Variants in GHR observed in about 807,000 individuals in gnomAD.
GHR encodes growth hormone receptor, also known as GH receptor.
In GHR, 35 loss-of-function variants were observed where a neutral mutation model predicts 67.1. The ratio of observed to expected loss-of-function variants is 0.52; its 90% CI spans 0.40 to 0.69. The LOEUF is 0.69. Ranked by LOEUF, GHR falls within the 30% of genes least tolerant of loss-of-function variation. The pLI, the probability that GHR is intolerant of heterozygous loss-of-function variation, is 0.00. For missense variants in GHR, 792 were observed against 764.6 expected, an observed-to-expected ratio of 1.04 and a Z score of -0.42; for synonymous variants, 272 against 269.1, an observed-to-expected ratio of 1.01 and a Z score of -0.10.
At chr5:42,615,464 C>T (rs1753095978) in intron 2 of GHR, among the ~76,000 whole-genome samples, 1 of 152,010 alleles carries the variant, frequency 6.6e-6, no homozygotes, top group Non-Finnish European at 1.5e-5. Flanking sequence ...TTTCTTTAGT[C>T]CTAACCTAAC....
intron 1 of GHR, among the ~76,000 whole-genome samples, chr5:42,536,777 G>C (rs1156612347): frequency 6.6e-6 from 1 of 152,126 alleles, no homozygotes; most frequent in East Asian, 1.9e-4. Flanking sequence ...AAATTCTGCT[G>C]TGAATCCATC....
At chr5:42,579,860 C>A (rs1561139915) in intron 2 of GHR, among the ~76,000 whole-genome samples, 1 of 151,900 alleles carries the variant, frequency 6.6e-6, no homozygotes, top group African/African-American at 2.4e-5. Flanking sequence ...GTGGAACATT[C>A]CACGTACTGA....
chr5:42,495,534 A>G (rs1440217125), intron 1 of GHR, among the ~76,000 whole-genome samples: 1 of 151,960 alleles, frequency 6.6e-6, no homozygotes, highest in Non-Finnish European at 1.5e-5. Context: ...CCCCACCCCT[A>G]GTCACCATTC....
At chr5:42,511,842 T>C in intron 1 of GHR, among the ~76,000 whole-genome samples, 1 of 152,138 alleles carries the variant, frequency 6.6e-6, no homozygotes, top group East Asian at 1.9e-4. Context: ...AGCAATAAAG[T>C]CTTAATATTT....
intron 2 of GHR, among the ~76,000 whole-genome samples, chr5:42,617,223 T>C (rs1580063410): frequency 6.6e-6 from 1 of 151,700 alleles, no homozygotes; most frequent in Non-Finnish European, 1.5e-5. Flanking sequence ...ATCCCCTTTT[T>C]GTACATGCTC....
Position 42,565,586 on chromosome 5 carries a change from G to A in GHR, c.-11-278G>A, listed in dbSNP as rs769555994. 324 of 985,230 alleles carry A rather than the reference G, an allele frequency of 3.3e-4. 2 individuals are homozygous for A. The highest frequency in any genetic ancestry group is 3.3e-4 in the Non-Finnish European group (274 of 829,908). 61.0% of individuals were successfully genotyped at this position (985,230 alleles called of 1,614,324 possible). A position where few individuals can be genotyped will look rare whatever the true frequency, so the allele number is the denominator to read the frequency against. On this transcript the variant is annotated intron_variant, in intron 1 of 9. Transcript: ENST00000230882. ...GTGCATGGGGGTCGTTTGCTGTGAG[G>A]TGTTTCTATGGCTTTGAGCCAGGGT...
At chr5:42,524,667 G>A (rs763211780) in intron 1 of GHR, among the ~76,000 whole-genome samples, 11 of 152,160 alleles carry the variant, frequency 7.2e-5, no homozygotes, top group Admixed American at 2.0e-4. Context: ...AGGCCATGTC[G>A]GAGACCTTCA....
intron 1 of GHR, among the ~76,000 whole-genome samples, chr5:42,453,817 A>T (rs1014179270): frequency 6.6e-5 from 10 of 151,850 alleles, no homozygotes; most frequent in African/African-American, 2.4e-4. Context: ...GGGAACAAGG[A>T]CTCCTTTTCC....
intron 1 of GHR, among the ~76,000 whole-genome samples, chr5:42,522,991 G>C (rs1747541996): frequency 6.6e-6 from 1 of 152,200 alleles, no homozygotes; most frequent in African/African-American, 2.4e-5. Context: ...TGAGGAATGA[G>C]AAAGAGATTT....
chr5:42,694,951 T>C lies in GHR; in HGVS notation c.301T>C (p.Cys101Arg). ...AGAATGGACTCAAGAATGGAAAGAATGCCCTGATTATGTTTCTGCTGGGGA... is the reference window on the plus strand; with the variant it reads ...AGAATGGACTCAAGAATGGAAAGAACGCCCTGATTATGTTTCTGCTGGGGA... ...TQEWTQEWKE[C>R]PDYVSAGENS... Residue 101 changes from cysteine to arginine, a missense_variant, in exon 5 of 10, where the codon TGC (cysteine) becomes CGC (arginine). Cys to Arg is a radical substitution (Grantham distance 180, BLOSUM62 -3). Transcript: ENST00000230882. 6.2e-7 allele frequency: 1 copy of C among 1,611,212 alleles called. No homozygotes were observed. The highest frequency in any genetic ancestry group is 8.5e-7 in the Non-Finnish European group (1 of 1,177,962).
chr5:42,448,415 G>A (rs1230410371), intron 1 of GHR, among the ~76,000 whole-genome samples: 1 of 151,870 alleles, frequency 6.6e-6, no homozygotes, highest in African/African-American at 2.4e-5. Flanking sequence ...GTCTATTCAT[G>A]TCCTTTGCCC....
intron 2 of GHR, among the ~76,000 whole-genome samples, chr5:42,590,832 C>T (rs551399657): frequency 6.6e-6 from 1 of 152,130 alleles, no homozygotes; most frequent in Non-Finnish European, 1.5e-5. Context: ...ACAAGGTGTA[C>T]AGAAGTGAAA....
chr5:42,618,572 T>C (rs1009970567), intron 2 of GHR, among the ~76,000 whole-genome samples: 3 of 152,120 alleles, frequency 2.0e-5, no homozygotes, highest in Admixed American at 6.6e-5. Context: ...AGCATAAATG[T>C]ATGCAAAGCA....
chr5:42,461,272 T>C (rs6878694), intron 1 of GHR, among the ~76,000 whole-genome samples: 3,737 of 152,260 alleles, frequency 0.025, 151 homozygotes, highest in African/African-American at 0.085. Flanking sequence ...GGACCTTTTT[T>C]CTGAACTCTA....
At chr5:42,658,714 T>C (rs1057372990) in intron 3 of GHR, among the ~76,000 whole-genome samples, 1 of 151,918 alleles carries the variant, frequency 6.6e-6, no homozygotes, top group Non-Finnish European at 1.5e-5. Context: ...AAAGAGGGGG[T>C]GCTACTGGCA....
intron 1 of GHR, among the ~76,000 whole-genome samples, chr5:42,522,324 A>G (rs1747513126): frequency 6.6e-6 from 1 of 152,212 alleles, no homozygotes; most frequent in Non-Finnish European, 1.5e-5. Flanking sequence ...GTACCAGAAG[A>G]AATGGCTTTG....
intron 2 of GHR, among the ~76,000 whole-genome samples, chr5:42,586,238 T>C (rs1751468329): frequency 6.6e-6 from 1 of 152,130 alleles, no homozygotes; most frequent in South Asian, 2.1e-4. Context: ...AATCTATCCC[T>C]GACTCCTATT....
chr5:42,584,404 G>C (rs924450019), intron 2 of GHR, among the ~76,000 whole-genome samples: 5 of 152,148 alleles, frequency 3.3e-5, no homozygotes, highest in African/African-American at 1.2e-4. Flanking sequence ...CAGCACTGAT[G>C]CAAAGTTGAG....
At chr5:42,579,151 T>TATACATAG (rs1751002996) in intron 2 of GHR, among the ~76,000 whole-genome samples, 1 of 88,248 alleles carries the variant, frequency 1.1e-5, no homozygotes, top group Non-Finnish European at 2.4e-5. Flanking sequence ...GATAGATAGA[T>TATACATAG]ATAGATAGAT....
Sources: allele counts gnomAD v4.1 joint callset (sites outside exome capture counted in the v4.1 genomes callset), GRCh38; gene constraint gnomAD v4.1.1; transcripts MANE v1.5; gene names NCBI Gene and HGNC (gene_info 2026-07-23, HGNC 2026-07-21).